Variants in RBFOX1 observed in about 807,000 individuals in gnomAD.
RBFOX1 encodes the protein RNA binding protein fox-1 homolog 1.
A neutral mutation model predicts 57.7 loss-of-function variants in RBFOX1; 8 were observed. That is an observed-to-expected ratio of 0.14 (90% CI 0.08 to 0.25). The LOEUF (loss-of-function observed/expected upper bound fraction) is 0.25. Ranked by LOEUF, RBFOX1 falls within the 10% of genes least tolerant of loss-of-function variation. The pLI, the probability that RBFOX1 is intolerant of heterozygous loss-of-function variation, is 1.00. For missense variants in RBFOX1, 611 were observed against 548.5 expected, an observed-to-expected ratio of 1.11 and a Z score of -1.14; for synonymous variants, 326 against 222.4, an observed-to-expected ratio of 1.47 and a Z score of -4.15.
chr16:6,762,268 G>C (rs2076713766), intron 3 of RBFOX1, among the ~76,000 whole-genome samples: 1 of 152,190 alleles, frequency 6.6e-6, no homozygotes, highest in Non-Finnish European at 1.5e-5. Flanking sequence ...TATATGTAGT[G>C]TCTAGAGTGC....
intron 1 of RBFOX1, among the ~76,000 whole-genome samples, chr16:6,076,769 A>G (rs912993792): frequency 6.6e-6 from 1 of 152,228 alleles, no homozygotes; most frequent in Non-Finnish European, 1.5e-5. Flanking sequence ...CATAGATGAA[A>G]TGGGACAGAT....
At chr16:7,166,194 A>G (rs1182288128) in intron 4 of RBFOX1, among the ~76,000 whole-genome samples, 1 of 152,000 alleles carries the variant, frequency 6.6e-6, no homozygotes, top group Non-Finnish European at 1.5e-5. Flanking sequence ...TTGTATTGTC[A>G]GTGGAGATGG....
At chr16:7,266,119 C>G (rs533199690) in intron 4 of RBFOX1, among the ~76,000 whole-genome samples, 88 of 151,930 alleles carry the variant, frequency 5.8e-4, no homozygotes, top group African/African-American at 2.0e-3. Flanking sequence ...GGACTACAGG[C>G]GCTCGCCAAT....
chr16:6,620,860 T>A (rs2098219607), intron 2 of RBFOX1, among the ~76,000 whole-genome samples: 1 of 152,214 alleles, frequency 6.6e-6, no homozygotes, highest in Non-Finnish European at 1.5e-5. Flanking sequence ...AGCTCCACAC[T>A]TAAAATCCCT....
chr16:6,245,502 T>A (rs1474438302), intron 1 of RBFOX1, among the ~76,000 whole-genome samples: 1 of 152,200 alleles, frequency 6.6e-6, no homozygotes, highest in African/African-American at 2.4e-5. Flanking sequence ...CAAGATAGCA[T>A]GCCCTTTGCC....
chr16:7,296,426 CT>C (rs964324015), intron 4 of RBFOX1, among the ~76,000 whole-genome samples: 2 of 151,924 alleles, frequency 1.3e-5, no homozygotes, highest in African/African-American at 2.4e-5. Flanking sequence ...CATTTTTAAA[CT>C]TTTCTTGGAA....
chr16:5,519,459 C>T (rs971355325), intron 2 of RBFOX1, among the ~76,000 whole-genome samples: 28 of 152,170 alleles, frequency 1.8e-4, no homozygotes, highest in African/African-American at 6.5e-4. Context: ...TATGGTGGCT[C>T]ATGCCTGTAA....
chr16:6,870,340 A>G (rs1478700438), intron 3 of RBFOX1, among the ~76,000 whole-genome samples: 2 of 152,264 alleles, frequency 1.3e-5, no homozygotes, highest in Non-Finnish European at 1.5e-5. Flanking sequence ...GGAAACAGAA[A>G]TCTGATATTC....
intron 4 of RBFOX1, among the ~76,000 whole-genome samples, chr16:7,388,354 A>C (rs941041156): frequency 6.6e-6 from 1 of 152,240 alleles, no homozygotes; most frequent in African/African-American, 2.4e-5. Flanking sequence ...AATTATTTTC[A>C]GCTGATGAAT....
At chr16:5,619,245 C>T (rs557224156) in intron 3 of RBFOX1, among the ~76,000 whole-genome samples, 6 of 152,278 alleles carry the variant, frequency 3.9e-5, no homozygotes, top group Non-Finnish European at 8.8e-5. Context: ...AGGGTGCTGA[C>T]AGACAGGCCT....
intron 3 of RBFOX1, among the ~76,000 whole-genome samples, chr16:7,005,915 C>G (rs773930045): frequency 3.9e-5 from 6 of 152,172 alleles, no homozygotes; most frequent in Admixed American, 2.0e-4. Flanking sequence ...TATAATTGGT[C>G]TTTCTGACAG....
chr16:5,934,800 A>T (rs2059135181), intron 4 of RBFOX1, among the ~76,000 whole-genome samples: 1 of 152,220 alleles, frequency 6.6e-6, no homozygotes, highest in African/African-American at 2.4e-5. Context: ...GATGAATAAC[A>T]TACTCAGACA....
At chr16:7,141,319 A>G (rs1171807907) in intron 4 of RBFOX1, among the ~76,000 whole-genome samples, 4 of 152,182 alleles carry the variant, frequency 2.6e-5, no homozygotes, top group Non-Finnish European at 5.9e-5. Context: ...GGAATACCAG[A>G]CACAGTGCTT....
At chr16:6,962,553 C>T (rs1222629096) in intron 3 of RBFOX1, among the ~76,000 whole-genome samples, 1 of 152,112 alleles carries the variant, frequency 6.6e-6, no homozygotes, top group African/African-American at 2.4e-5. Context: ...CCTTAAAGTT[C>T]ATTCAATTCA....
intron 4 of RBFOX1, among the ~76,000 whole-genome samples, chr16:7,438,830 C>T (rs910754682): frequency 9.9e-5 from 15 of 152,156 alleles, no homozygotes; most frequent in African/African-American, 3.6e-4. Flanking sequence ...AGACTTTCAA[C>T]CACGCCAAGC....
intron 2 of RBFOX1, among the ~76,000 whole-genome samples, chr16:6,546,236 C>T (rs1567631124): frequency 1.3e-5 from 2 of 152,198 alleles, no homozygotes; most frequent in African/African-American, 4.8e-5. Context: ...ATTGAGCAAG[C>T]ATTTTCATGG....
chr16:5,328,723 C>T lies in RBFOX1; in HGVS notation c.219+88618C>T, dbSNP rs8051056. On this transcript the variant is annotated intron_variant, in intron 1 of 2. Coordinates refer to the RBFOX1 transcript ENST00000585867. ...GAGCTGCCAGTGGACCATTTAAGCC[C>T]ACCCCCTGGACACAGCTGATTGGCC... Among the ~76,000 whole-genome samples, 751 of 152,326 alleles carry T rather than the reference C, an allele frequency of 4.9e-3. 8 individuals carry two copies. The highest frequency in any genetic ancestry group is 0.017 in the African/African-American group (721 of 41,580).
intron 4 of RBFOX1, among the ~76,000 whole-genome samples, chr16:7,113,609 G>T (rs2065249628): frequency 2.6e-5 from 4 of 152,160 alleles, no homozygotes; most frequent in African/African-American, 9.6e-5. Flanking sequence ...TATTATGTTA[G>T]CATAGAGTGC....
intron 3 of RBFOX1, among the ~76,000 whole-genome samples, chr16:5,780,635 A>T (rs950181852): frequency 6.6e-6 from 1 of 152,182 alleles, no homozygotes; most frequent in Non-Finnish European, 1.5e-5. Context: ...AACTTTTCAT[A>T]GGCAAAGTAG....
Sources: allele counts gnomAD v4.1 joint callset (sites outside exome capture counted in the v4.1 genomes callset), GRCh38; gene constraint gnomAD v4.1.1; transcripts MANE v1.5; gene names NCBI Gene and HGNC (gene_info 2026-07-23, HGNC 2026-07-21).